The following ATP2A2 variants were observed in gnomAD, a reference collection of about 807,000 sequenced individuals.
The protein encoded by ATP2A2 is sarcoplasmic/endoplasmic reticulum calcium ATPase 2.
Under a neutral mutation model 109.3 loss-of-function variants are expected in ATP2A2, and 14 were observed. That is an observed-to-expected ratio of 0.13 (90% CI 0.08 to 0.20). ATP2A2 has a LOEUF of 0.20. Among genes scored for constraint, ATP2A2 ranks in the 10% least tolerant of loss-of-function variants. The pLI is 1.00. For synonymous variants in ATP2A2, 506 were observed against 490.9 expected (o/e 1.03, Z -0.41); for missense variants, 657 against 1,321.6 (o/e 0.50, Z 7.80).
At position 110,342,489 on chromosome 12, in the gene ATP2A2, C is replaced by T. The variant is rs368809191; in HGVS notation, c.2318+41C>T. 2.5e-6 allele frequency: 4 copies of T among 1,594,242 alleles called. No individual in the cohort carries two copies. Among genetic ancestry groups the T allele is most frequent in the Non-Finnish European group, 3.4e-6 (4 of 1,165,216 alleles). On this transcript the variant is annotated intron_variant, in intron 15 of 19. Transcript: ENST00000539276. This position sits in a 1 kb window ranked among gnomAD's most constrained non-coding sequence, Gnocchi z 4.6. ...AGCATCACTTACTGTACGCCTTTATCTAAATGGGTCATGGAGCCCAGTTCT... is the reference window on the plus strand; with the variant it reads ...AGCATCACTTACTGTACGCCTTTATTTAAATGGGTCATGGAGCCCAGTTCT...
chr12:110,306,258 C>G (rs1269450058), intron 5 of ATP2A2, among the ~76,000 whole-genome samples: 1 of 152,246 alleles, frequency 6.6e-6, no homozygotes, highest in East Asian at 1.9e-4. Context: ...CCAGGATGGT[C>G]TCGATCTCCT....
chr12:110,304,905 T>G (rs1288869053), intron 5 of ATP2A2, among the ~76,000 whole-genome samples: 1 of 152,128 alleles, frequency 6.6e-6, no homozygotes, highest in East Asian at 1.9e-4. Flanking sequence ...TCCCAGCACT[T>G]TGGGAGGCTG....
intron 3 of ATP2A2, 40 bp from the exon 4 acceptor site, chr12:110,291,980 G>A: frequency 6.4e-7 from 1 of 1,558,584 alleles, no homozygotes; most frequent in Non-Finnish European, 8.9e-7. Flanking sequence ...GTGACATTAA[G>A]CCTAAAAAGA....
chr12:110,348,600 C>T lies in ATP2A2; in HGVS notation c.*2130C>T, dbSNP rs991566757. On this transcript the variant is annotated 3_prime_UTR_variant, in exon 20 of 20. Transcript: ENST00000539276. Reference sequence around the variant, plus strand: ...CACAGTCCGTGGTTGGGTGTGGTGGCTCATGCCTGTAAGTAAGTCTCAGCC... The same window carrying T: ...CACAGTCCGTGGTTGGGTGTGGTGGTTCATGCCTGTAAGTAAGTCTCAGCC... The T allele has an allele frequency of 3.0e-6, 3 of 985,320 alleles. No homozygotes were observed. Among genetic ancestry groups the T allele is most frequent in the African/African-American group, 1.7e-5 (1 of 57,186 alleles). The allele number at this position is 985,320 out of a possible 1,614,324, so 61.0% of individuals were successfully genotyped here. A position where few individuals can be genotyped will look rare whatever the true frequency, so the allele number is the denominator to read the frequency against.
At chr12:110,281,011 C>G (rs1401256199), upstream of ATP2A2, 1 of 151,970 alleles carries the variant, frequency 6.6e-6, no homozygotes, top group Non-Finnish European at 1.5e-5. Flanking sequence ...TACCCAGCTT[C>G]CCCTCCGCCA....
At position 110,349,465 on chromosome 12, in the gene ATP2A2, C is replaced by T. The variant is rs1279920194; in HGVS notation, c.*2995C>T. On this transcript the variant is annotated 3_prime_UTR_variant, in exon 20 of 20. Transcript: ENST00000539276. ...CCAGAAGACCAACAATCATACATACCCTAACTGGGACACCACTCTGCAGAA... is the reference window on the plus strand; with the variant it reads ...CCAGAAGACCAACAATCATACATACTCTAACTGGGACACCACTCTGCAGAA... 16 of 985,410 alleles carry T rather than the reference C, an allele frequency of 1.6e-5. No individual in the cohort carries two copies. Among genetic ancestry groups the T allele is most frequent in the Non-Finnish European group, 1.8e-5 (15 of 830,008 alleles). The allele number at this position is 985,410 out of a possible 1,614,324, so 61.0% of individuals were successfully genotyped here. A position where few individuals can be genotyped will look rare whatever the true frequency, so the allele number is the denominator to read the frequency against.
chr12:110,335,389 C>A (rs772275060), intron 11 of ATP2A2, among the ~76,000 whole-genome samples: 2 of 152,144 alleles, frequency 1.3e-5, no homozygotes, highest in Non-Finnish European at 2.9e-5. Context: ...GTGGACCAGG[C>A]GCAGTGGCTC....
At chr12:110,284,690 T>C (rs1872495741) in intron 3 of ATP2A2, among the ~76,000 whole-genome samples, 1 of 152,234 alleles carries the variant, frequency 6.6e-6, no homozygotes, top group Non-Finnish European at 1.5e-5. Flanking sequence ...TGGAGCATTA[T>C]AGAGCTATAT....
chr12:110,325,126 T>C (rs1161073757), intron 6 of ATP2A2, among the ~76,000 whole-genome samples: 1 of 152,018 alleles, frequency 6.6e-6, no homozygotes, highest in Non-Finnish European at 1.5e-5. Flanking sequence ...AATAAAAAAC[T>C]TTAAAAGTTT....
At chr12:110,305,734 A>C (rs1052067123) in intron 5 of ATP2A2, among the ~76,000 whole-genome samples, 2 of 152,100 alleles carry the variant, frequency 1.3e-5, no homozygotes, top group South Asian at 4.1e-4. Flanking sequence ...TTTACATATA[A>C]ATTTTTAAGA....
rs114726034 is a variant in ATP2A2, at chr12:110,282,508, G to A, written c.119-96G>A. 1,756 of 1,466,486 alleles carry A rather than the reference G, an allele frequency of 1.2e-3. 27 individuals carry two copies. In the African/African-American group the frequency reaches 0.022, roughly 18 times the overall value. The allele number at this position is 1,466,486 out of a possible 1,614,324, so 90.8% of individuals were successfully genotyped here. On this transcript the variant is annotated intron_variant, in intron 1 of 19. Transcript: ENST00000539276. ...GATATTGATGCTTAGAATTGTAGCA[G>A]TTCTTTTTAGAAAAACGAAGTGCTA... is the stretch of plus-strand genomic sequence containing the variant.
Position 110,339,702 on chromosome 12 carries a change from C to T in ATP2A2, c.1742C>T (p.Ala581Val). 1 of 1,613,984 alleles carries T rather than the reference C, an allele frequency of 6.2e-7. No individual in the cohort carries two copies. The highest frequency in any genetic ancestry group is 8.5e-7 in the Non-Finnish European group (1 of 1,180,012). Reference protein sequence around the residue: ...RREEMHLEDSANFIKYETNLT... With the variant: ...RREEMHLEDSVNFIKYETNLT... ...GAAGAAATGCACCTTGAGGACTCTG[C>T]CAACTTTATTAAATATGAGGTTAGC... The change falls in exon 13 of 20, where the codon GCC (alanine) becomes GTC (valine). Residue 581 changes from alanine (A) to valine (V), a missense_variant. Physicochemically the swap from Ala to Val is moderately conservative, Grantham distance 64. Transcript: ENST00000539276. The surrounding 1 kb of genome is among the most constrained non-coding windows in gnomAD (Gnocchi z 4.4).
At chr12:110,321,621 GAC>G (rs1877254612) in intron 5 of ATP2A2, among the ~76,000 whole-genome samples, 1 of 152,166 alleles carries the variant, frequency 6.6e-6, no homozygotes, top group South Asian at 2.1e-4. Context: ...TTTTAGTAGA[GAC>G]AGGTTTTCGC....
At chr12:110,334,807 C>A (rs1009777654) in intron 11 of ATP2A2, among the ~76,000 whole-genome samples, 1 of 152,068 alleles carries the variant, frequency 6.6e-6, no homozygotes, top group African/African-American at 2.4e-5. Flanking sequence ...AGGCTGGTCT[C>A]GAACTCCTGA....
chr12:110,292,250 T>G (rs1225195134), intron 4 of ATP2A2, 126 bp downstream of exon 4: 6 of 769,436 alleles, frequency 7.8e-6, no homozygotes, highest in Non-Finnish European at 1.3e-5. Flanking sequence ...GAAGTTTACA[T>G]GTATTTTCCC....
In ATP2A2 at chr12:110,340,419, TC is replaced by T. The variant is rs2137854501; in HGVS notation, c.1762-237del. ...CAGGTGTGGTGGCGCATACCTGTAG[TC>T]CCAGCTACCCTGGAGGCTGAGGCAG... On this transcript the variant is annotated intron_variant, in intron 13 of 19. Coordinates refer to ENST00000539276, the MANE Select transcript of ATP2A2 (RefSeq NM_170665.4). The surrounding 1 kb of genome is among the most constrained non-coding windows in gnomAD (Gnocchi z 6.0). Among the ~76,000 whole-genome samples, 1 of 151,690 alleles carries T rather than the reference TC, an allele frequency of 6.6e-6. No homozygotes were observed. The highest frequency in any genetic ancestry group is 1.5e-5 in the Non-Finnish European group (1 of 67,950).
chr12:110,307,845 C>G (rs896757341), intron 5 of ATP2A2, among the ~76,000 whole-genome samples: 1 of 152,136 alleles, frequency 6.6e-6, no homozygotes, highest in Non-Finnish European at 1.5e-5. Context: ...GAAACTCTTT[C>G]GTTTAACTAG....
chr12:110,336,033 C>T (rs1041557735), intron 11 of ATP2A2, among the ~76,000 whole-genome samples: 1 of 152,226 alleles, frequency 6.6e-6, no homozygotes, highest in Admixed American at 6.5e-5. Context: ...TCCACCAGAC[C>T]ATTTGCCTGC....
At chr12:110,297,856 G>T (rs749348030) in intron 5 of ATP2A2, among the ~76,000 whole-genome samples, 1 of 152,032 alleles carries the variant, frequency 6.6e-6, no homozygotes, top group African/African-American at 2.4e-5. Context: ...GAGCTCAAGT[G>T]ATCCTGCCTT....
Sources: gnomAD v4.1 joint callset for allele counts (sites outside exome capture counted in the v4.1 genomes callset) on GRCh38, gnomAD v4.1.1 for gene constraint, Gnocchi (gnomAD v3.1) non-coding constraint, MANE v1.5 for transcripts, NCBI Gene and HGNC (gene_info 2026-07-23, HGNC 2026-07-21) for gene names.